The following MIB2 variants were observed in gnomAD, a reference collection of about 807,000 sequenced individuals.
MIB2 encodes E3 ubiquitin-protein ligase MIB2.
MIB2 carries 78 observed loss-of-function variants against 96.6 expected under a neutral mutation model. The ratio of observed to expected loss-of-function variants is 0.81; its 90% CI spans 0.67 to 0.97. MIB2 has a LOEUF of 0.97. Among genes scored for constraint, MIB2 ranks in the 50% least tolerant of loss-of-function variants. MIB2 has a pLI of 0.00. For synonymous variants in MIB2, 820 were observed against 629.5 expected (o/e 1.30, Z -4.53); for missense variants, 1,543 against 1,424.0 (o/e 1.08, Z -1.35).
rs1046195292 is a variant in MIB2, at chr1:1,627,324, C to T, written c.1403C>T (p.Ala468Val). The T allele has an allele frequency of 6.2e-7, 1 of 1,613,214 alleles. No homozygotes were observed. The highest frequency in any genetic ancestry group is 1.3e-5 in the African/African-American group (1 of 75,064). Residue 468 changes from alanine to valine, a missense_variant, in exon 12 of 20, where the codon GCT (alanine) becomes GTT (valine). Transcript: ENST00000355826. ...GACACCAAGAACCAAGGCAGGACCGCTCTGCAAGTGGCTGCCTACCTGGGC... is the reference window on the plus strand; with the variant it reads ...GACACCAAGAACCAAGGCAGGACCGTTCTGCAAGTGGCTGCCTACCTGGGC... ...QVDTKNQGRT[A>V]LQVAAYLGQV...
rs1375735368 is a variant in MIB2 at position 1,629,462 on chromosome 1, A to G, written c.2459A>G (p.His820Arg). The G allele has an allele frequency of 6.6e-7, 1 of 1,521,828 alleles. No individual in the cohort carries two copies. Among genetic ancestry groups the G allele is most frequent in the Non-Finnish European group, 8.8e-7 (1 of 1,139,634 alleles). 94.3% of individuals were successfully genotyped at this position (1,521,828 alleles called of 1,614,324 possible). ...ACCCCCAACACCGTGACGAACCTGC[A>G]CGTGGGCGCCGCGCCGGGGCCCGAG... Reference protein sequence around the residue: ...LGTPNTVTNLHVGAAPGPEAA... With the variant: ...LGTPNTVTNLRVGAAPGPEAA... The change falls in exon 18 of 20, where the codon CAC (histidine) becomes CGC (arginine). Residue 820 changes from histidine to arginine, a missense_variant. By Grantham distance (29) the His-to-Arg change is conservative. Transcript: ENST00000355826.
chr1:1,616,450 G>T lies in MIB2; in HGVS notation c.-129-58G>T, dbSNP rs115977330. ...CGGGCAGCCCCGGGGGCAGACAGGC[G>T]ACCGAGCCGCGGGTCGAGGTGCTAA... is the stretch of plus-strand genomic sequence containing the variant. On this transcript the variant is annotated intron_variant, in intron 1 of 19. Transcript: ENST00000355826. 2,750 of 1,286,130 alleles carry T rather than the reference G, an allele frequency of 2.1e-3. 48 individuals carry two copies. The African/African-American group carries it at 0.038, about 18-fold the overall frequency. The allele number at this position is 1,286,130 out of a possible 1,614,324, so 79.7% of individuals were successfully genotyped here.
rs1184929857 is a variant in MIB2, at chr1:1,627,770, A to G, written c.1621A>G (p.Arg541Gly). Residue 541 changes from arginine to glycine, a missense_variant, in exon 13 of 20, where the codon AGG becomes GGG. Physicochemically the swap from Arg to Gly is moderately radical, Grantham distance 125 (BLOSUM62 -2). Coordinates refer to ENST00000355826, the MANE Select transcript of MIB2 (RefSeq NM_001170687.4). Reference sequence around the variant, plus strand: ...CACAGCACTGCACGTGGCCGTGCAGAGGGGCTTCCTGGAGGTGGTGCGGGC... The same window carrying G: ...CACAGCACTGCACGTGGCCGTGCAGGGGGGCTTCCTGGAGGTGGTGCGGGC... ...QSTALHVAVQ[R>G]GFLEVVRALC... 10 of 1,597,548 alleles carry G rather than the reference A, an allele frequency of 6.3e-6. No homozygotes were observed. The highest frequency in any genetic ancestry group is 8.5e-6 in the Non-Finnish European group (10 of 1,179,078).
rs899765822 is a variant in MIB2, at chr1:1,624,900, T to C, written c.525T>C (p.Asp175=). ...CCGACTGGGAGTGGGGCTCACAGGA[T>C]GGTGAGTGGAGGCAGAGGGGCGGGG... ...RGPDWEWGSQ[D]GGEGKPGRVV... The change falls in exon 5 of 20, where the codon GAT becomes GAC. Residue 175 remains aspartate (D), a splice_region_variant and synonymous_variant. Transcript: ENST00000355826. 1.1e-5 allele frequency: 18 copies of C among 1,611,994 alleles called. No individual in the cohort carries two copies. In the East Asian group the frequency reaches 1.3e-4, roughly 12 times the overall value.
At position 1,625,169 on chromosome 1, in the gene MIB2, C is replaced by T. The variant is rs764474014; in HGVS notation, c.705C>T (p.Asp235=). Residue 235 remains aspartate, a synonymous_variant, in exon 6 of 20, where the codon GAC becomes GAT. Coordinates refer to ENST00000355826, the MANE Select transcript of MIB2 (RefSeq NM_001170687.4). This position sits in a 1 kb window ranked among gnomAD's most constrained non-coding sequence, Gnocchi z 5.0. Reference sequence around the variant, plus strand: ...CAGCGGGCGGCTTCTACTACAAGGACCACCTCCCAAGGCTCGGTATGAGGC... The same window carrying T: ...CAGCGGGCGGCTTCTACTACAAGGATCACCTCCCAAGGCTCGGTATGAGGC... The part of the protein sequence containing the change: ...GEAAGGFYYK[D]HLPRLGKPAE... The T allele has an allele frequency of 1.2e-5, 19 of 1,611,120 alleles. No homozygotes were observed. Among genetic ancestry groups the T allele is most frequent in the Admixed American group, 3.3e-5 (2 of 59,946 alleles).
chr1:1,623,916 C>CGACCGCTACGA lies in MIB2; in HGVS notation c.398_408dup (p.His137ThrfsTer11). On this transcript the variant is annotated frameshift_variant, in exon 4 of 20. Transcript: ENST00000355826. LOFTEE classifies it high-confidence loss of function. Reference sequence around the variant, plus strand: ...ACAAGCATGAGCTCGCCCACGCCTTCGACCGCTACGAGACCGCTCACTCGC... The same window carrying CGACCGCTACGA: ...ACAAGCATGAGCTCGCCCACGCCTTCGACCGCTACGAGACCGCTACGAGACCGCTCACTCGC... 6.2e-7 allele frequency: 1 copy of CGACCGCTACGA among 1,611,694 alleles called. No individual in the cohort carries two copies. Among genetic ancestry groups the CGACCGCTACGA allele is most frequent in the Non-Finnish European group, 8.5e-7 (1 of 1,179,286 alleles).
In MIB2 at chr1:1,627,432, A is replaced by G. The variant is rs751673607; in HGVS notation, c.1511A>G (p.Tyr504Cys). 12 of 1,611,654 alleles carry G rather than the reference A, an allele frequency of 7.4e-6. No homozygotes were observed. In the Admixed American group the frequency reaches 1.5e-4, roughly 20 times the overall value. The change falls in exon 12 of 20, where the codon TAC becomes TGC. Residue 504 changes from tyrosine (Y) to cysteine (C), a missense_variant. By Grantham distance (194) the Tyr-to-Cys change is radical (BLOSUM62 -2). Coordinates refer to ENST00000355826, the MANE Select transcript of MIB2 (RefSeq NM_001170687.4). ...GACGAGGGCAACACGGCACTGCACT[A>G]CGCGGCCCTGGGGTGAGGCCTGGGA... is the stretch of plus-strand genomic sequence containing the variant. The part of the protein sequence containing the change: ...PDDEGNTALH[Y>C]AALGNQPEAT...
chr1:1,615,716 T>G, intron 1 of MIB2, 83 bp downstream of exon 1: 9 of 1,496,768 alleles, frequency 6.0e-6, no homozygotes, highest in African/African-American at 2.9e-5. Flanking sequence ...GCGAGCGCCG[T>G]CCGGTTCCCG....
chr1:1,615,459 C>A, upstream of MIB2: 2 of 1,516,108 alleles, frequency 1.3e-6, no homozygotes, highest in Non-Finnish European at 1.8e-6. Context: ...GGGGCGTGGC[C>A]ATGGCGGGGG....
Position 1,616,610 on chromosome 1 carries a change from G to C in MIB2, c.-27G>C. On this transcript the variant is annotated 5_prime_UTR_variant, in exon 2 of 20. Transcript: ENST00000355826. ...GGCCCGGCGGGCGACTGGACGGCCG[G>C]ACAGGTGAGCTCTTGATCGTCCGCG... is the stretch of plus-strand genomic sequence containing the variant. 1.3e-6 allele frequency: 2 copies of C among 1,591,244 alleles called. No homozygotes were observed. The highest frequency in any genetic ancestry group is 1.7e-6 in the Non-Finnish European group (2 of 1,168,458).
chr1:1,620,149 CCT>C (rs879613649), intron 2 of MIB2, among the ~76,000 whole-genome samples: 9 of 152,244 alleles, frequency 5.9e-5, no homozygotes, highest in African/African-American at 9.6e-5. Flanking sequence ...GCACCCTGCC[CCT>C]GTCTTTTTGG....
Position 1,626,582 on chromosome 1 carries a change from TC to T in MIB2, c.973-66del. 7.4e-7 allele frequency: 1 copy of T among 1,352,234 alleles called. No homozygotes were observed. Among genetic ancestry groups the T allele is most frequent in the Admixed American group, 2.7e-5 (1 of 36,364 alleles). The allele number at this position is 1,352,234 out of a possible 1,614,324, so 83.8% of individuals were successfully genotyped here. On this transcript the variant is annotated intron_variant, in intron 8 of 19. Transcript: ENST00000355826. The surrounding 1 kb of genome is among the most constrained non-coding windows in gnomAD (Gnocchi z 5.3). ...TCTCGTGGAGCTCAGCAGGTTGCCC[TC>T]CTGTTGCATGAGCCTGGGCAGCCAC...
At chr1:1,615,467 G>T, upstream of MIB2, 1 of 1,518,630 alleles carries the variant, frequency 6.6e-7, no homozygotes, top group African/African-American at 1.4e-5. Flanking sequence ...GCCATGGCGG[G>T]GGCGCTCCGG....
In MIB2 at chr1:1,615,923, G is replaced by T; in HGVS notation, c.-130+290G>T. The T allele has an allele frequency of 3.0e-6, 3 of 995,232 alleles. No individual in the cohort carries two copies. In the South Asian group the frequency reaches 1.4e-4, roughly 47 times the overall value. The allele number at this position is 995,232 out of a possible 1,614,324, so 61.7% of individuals were successfully genotyped here. On this transcript the variant is annotated intron_variant, in intron 1 of 19. Coordinates refer to ENST00000355826, the MANE Select transcript of MIB2 (RefSeq NM_001170687.4). ...GGTCGGCGCTGGGGTCGTCGTCCGG[G>T]CCGGGTGGGCTGCGGCGCGCGGCAG...
At chr1:1,614,373 G>C (rs1292476712), upstream of MIB2, 5 of 152,278 alleles carry the variant, frequency 3.3e-5, no homozygotes, top group Non-Finnish European at 7.3e-5. Context: ...TAAGCAGCTT[G>C]CACAAGGACG....
At chr1:1,629,079 T>C (rs1016304219) in intron 16 of MIB2, 54 bp from the exon 17 acceptor site, 1 of 1,383,610 alleles carries the variant, frequency 7.2e-7, no homozygotes, top group African/African-American at 1.5e-5. Context: ...AGGAGACGCC[T>C]CCCTCGGGCC....
chr1:1,625,151 C>T lies in MIB2; in HGVS notation c.687C>T (p.Gly229=), dbSNP rs368847963. The change falls in exon 6 of 20, where the codon GGC becomes GGT. Residue 229 remains glycine (G), a synonymous_variant. Transcript: ENST00000355826. This position sits in a 1 kb window ranked among gnomAD's most constrained non-coding sequence, Gnocchi z 5.0. ...VDLKCVGEAA[G]GFYYKDHLPR... ...TCAAGTGTGTGGGCGAGGCAGCGGG[C>T]GGCTTCTACTACAAGGACCACCTCC... The T allele has an allele frequency of 1.8e-5, 29 of 1,612,200 alleles. No homozygotes were observed. Among genetic ancestry groups the T allele is most frequent in the South Asian group, 3.3e-5 (3 of 91,030 alleles).
rs1208876749 is a variant in MIB2 at position 1,629,709 on chromosome 1, G to C, written c.2629+5G>C. The C allele has an allele frequency of 2.5e-6, 4 of 1,587,004 alleles. No individual in the cohort carries two copies. The highest frequency in any genetic ancestry group is 3.4e-6 in the Non-Finnish European group (4 of 1,167,674). On this transcript the variant is annotated splice_donor_5th_base_variant and intron_variant, in intron 19 of 19. Transcript: ENST00000355826. ...TCAGCAAGAAACTGCGCCCAGGTGG[G>C]TGAGGCTCTGCGCCCCCAACACGCC...
At chr1:1,628,866 A>T in intron 16 of MIB2, 144 bp downstream of exon 16, 1 of 812,522 alleles carries the variant, frequency 1.2e-6, no homozygotes, top group Non-Finnish European at 1.9e-6. Flanking sequence ...GATGGGAGCC[A>T]AGTTCTATGT....
Sources: allele counts gnomAD v4.1 joint callset (sites outside exome capture counted in the v4.1 genomes callset), GRCh38; gene constraint gnomAD v4.1.1; non-coding constraint Gnocchi (gnomAD v3.1); transcripts MANE v1.5; gene names NCBI Gene and HGNC (gene_info 2026-07-23, HGNC 2026-07-21).